SEMA5B: variants seen among roughly 807,000 people sequenced by gnomAD.
SEMA5B encodes the protein semaphorin-5B.
Under a neutral mutation model 135.0 loss-of-function variants are expected in SEMA5B, and 66 were observed. The observed-to-expected ratio is 0.49, with a 90% CI of 0.40 to 0.60. SEMA5B has a LOEUF of 0.60. SEMA5B is among the 20% of genes least tolerant of loss of function. The pLI is 0.00. For missense variants in SEMA5B, 1,501 were observed against 1,566.3 expected (o/e 0.96, Z 0.70); for synonymous variants, 690 against 639.5 (o/e 1.08, Z -1.19).
intron 2 of SEMA5B, among the ~76,000 whole-genome samples, chr3:122,950,954 G>T (rs1299050953): frequency 6.6e-6 from 1 of 152,192 alleles, no homozygotes; most frequent in Non-Finnish European, 1.5e-5. Flanking sequence ...TTTTTAGAGA[G>T]ACAGGGTCTT....
In SEMA5B at chr3:122,926,698, C is replaced by CA. The variant is rs1441668601; in HGVS notation, c.851-22dup. The stretch of plus-strand genomic sequence containing the variant: ...TGGCTCTGGGTGGGCAGAAGAGGAA[C>CA]AAGGGGCAGGGCAGGCCAGCGGGGA... On this transcript the variant is annotated intron_variant, in intron 8 of 22. Transcript: ENST00000357599. The CA allele has an allele frequency of 5.0e-6, 8 of 1,607,088 alleles. No individual in the cohort carries two copies. The African/African-American group carries it at 9.4e-5, about 19-fold the overall frequency.
chr3:123,024,955 A>G (rs186918318), intron 1 of SEMA5B, among the ~76,000 whole-genome samples: 22 of 152,250 alleles, frequency 1.4e-4, no homozygotes, highest in Admixed American at 1.4e-3. Flanking sequence ...AGGCATTTGA[A>G]TTTGTGCTTC....
rs1389320961 is a variant in SEMA5B, at chr3:122,911,874, G to A, written c.3046+46C>T. On this transcript the variant is annotated intron_variant, in intron 20 of 22. Transcript: ENST00000357599. ...TCAGAAGGAGAAGGAAGTTGGGAGT[G>A]CAGGCTGGGAAGGGTTGCTGCGCAG... 5 of 1,544,336 alleles carry A rather than the reference G, an allele frequency of 3.2e-6. No individual in the cohort carries two copies. The Admixed American group carries it at 9.6e-5, about 30-fold the overall frequency.
upstream of SEMA5B, chr3:123,028,326 G>A (rs1942857719): frequency 6.6e-6 from 1 of 152,556 alleles, no homozygotes; most frequent in Non-Finnish European, 1.5e-5. Flanking sequence ...CTAGGCTGCT[G>A]GGCTGGGCTG....
At chr3:123,014,558 T>C (rs1485319224) in intron 1 of SEMA5B, among the ~76,000 whole-genome samples, 2 of 152,234 alleles carry the variant, frequency 1.3e-5, no homozygotes, top group African/African-American at 2.4e-5. Flanking sequence ...CAATGGATCC[T>C]GGCCGCCTGC....
chr3:122,954,284 G>A (rs1940184314), intron 2 of SEMA5B, among the ~76,000 whole-genome samples: 6 of 152,204 alleles, frequency 3.9e-5, no homozygotes, highest in Admixed American at 3.9e-4. Flanking sequence ...CCAGTGACAG[G>A]AGACAGAGGC....
At chr3:123,025,571 T>G (rs1029504520) in intron 1 of SEMA5B, among the ~76,000 whole-genome samples, 1 of 152,232 alleles carries the variant, frequency 6.6e-6, no homozygotes, top group Admixed American at 6.5e-5. Flanking sequence ...GCTCTGGCAC[T>G]GGCTGCTTGG....
chr3:122,943,233 G>A (rs1326173405), intron 4 of SEMA5B, among the ~76,000 whole-genome samples: 1 of 152,144 alleles, frequency 6.6e-6, no homozygotes, highest in African/African-American at 2.4e-5. Context: ...CTGAGATTGC[G>A]AGGTCAAGAG....
At chr3:122,997,812 T>C (rs1043041356) in intron 1 of SEMA5B, among the ~76,000 whole-genome samples, 1 of 151,930 alleles carries the variant, frequency 6.6e-6, no homozygotes, top group African/African-American at 2.4e-5. Context: ...CTGAGGCCTC[T>C]ACCCTCAGGC....
intron 2 of SEMA5B, among the ~76,000 whole-genome samples, chr3:122,958,897 C>T (rs1450337533): frequency 6.6e-6 from 1 of 152,184 alleles, no homozygotes; most frequent in Non-Finnish European, 1.5e-5. Flanking sequence ...ACCTCCAAGT[C>T]ACGCATGTGT....
chr3:122,940,192 A>T (rs1389837193), intron 4 of SEMA5B, among the ~76,000 whole-genome samples: 1 of 152,198 alleles, frequency 6.6e-6, no homozygotes, highest in Non-Finnish European at 1.5e-5. Context: ...AGAGGATACT[A>T]CTAGTAGTAA....
intron 3 of SEMA5B, among the ~76,000 whole-genome samples, chr3:122,946,270 C>T (rs1159102727): frequency 6.6e-6 from 1 of 152,116 alleles, no homozygotes. Flanking sequence ...CAGCTTGGCC[C>T]CCCTTAAGAG....
chr3:122,927,448 C>T (rs1938701216), intron 8 of SEMA5B, among the ~76,000 whole-genome samples: 2 of 152,242 alleles, frequency 1.3e-5, no homozygotes, highest in South Asian at 4.1e-4. Context: ...CTGCCTCAGC[C>T]TCCCAAAGTG....
At chr3:122,929,332 C>T (rs1330702518) in intron 5 of SEMA5B, among the ~76,000 whole-genome samples, 1 of 152,208 alleles carries the variant, frequency 6.6e-6, no homozygotes, top group Non-Finnish European at 1.5e-5. Flanking sequence ...GCTTCTGAAT[C>T]TTTCATCATC....
intron 1 of SEMA5B, among the ~76,000 whole-genome samples, chr3:122,963,278 C>T (rs1317438554): frequency 2.0e-5 from 3 of 152,130 alleles, no homozygotes; most frequent in Non-Finnish European, 4.4e-5. Flanking sequence ...GGGCAGATCA[C>T]TTGAGATCAG....
rs968063318 is a variant in SEMA5B, at chr3:122,976,140, C to T, written c.-38-14839G>A. 3.5e-5 allele frequency: 53 copies of T among 1,535,152 alleles called. No individual in the cohort carries two copies. In the Middle Eastern group the frequency reaches 6.7e-4, roughly 19 times the overall value. The stretch of plus-strand genomic sequence containing the variant: ...ATGCAGCATGTGGTTTATACACTCT[C>T]ATCACTTCCTCACCCTGTGTTGGGC... On this transcript the variant is annotated intron_variant, in intron 1 of 22. Coordinates refer to ENST00000357599, the MANE Select transcript of SEMA5B (RefSeq NM_001031702.4).
intron 1 of SEMA5B, chr3:122,975,229 C>G (rs976086758): frequency 6.6e-6 from 1 of 152,486 alleles, no homozygotes; most frequent in African/African-American, 2.4e-5. Context: ...AGAGGCACAG[C>G]TGATCCCCTG....
At chr3:122,946,083 G>C (rs965174454) in intron 3 of SEMA5B, among the ~76,000 whole-genome samples, 1 of 152,156 alleles carries the variant, frequency 6.6e-6, no homozygotes. Context: ...GGCTTTGGAC[G>C]GTGACTTTAA....
intron 4 of SEMA5B, among the ~76,000 whole-genome samples, chr3:122,941,379 G>C (rs1939555328): frequency 6.6e-6 from 1 of 152,188 alleles, no homozygotes; most frequent in South Asian, 2.1e-4. Flanking sequence ...CCACCTTCTG[G>C]GGAAGCCGCA....
Sources: gnomAD v4.1 joint callset for allele counts (sites outside exome capture counted in the v4.1 genomes callset) on GRCh38, gnomAD v4.1.1 for gene constraint, MANE v1.5 for transcripts, NCBI Gene and HGNC (gene_info 2026-07-23, HGNC 2026-07-21) for gene names.